EXT2: variants seen among roughly 807,000 people sequenced by gnomAD.
The protein encoded by EXT2 is exostosin-2.
In EXT2, 53 loss-of-function variants were observed where a neutral mutation model predicts 81.6. The observed-to-expected ratio is 0.65, with a 90% CI of 0.52 to 0.82. The LOEUF is 0.82. Ranked by LOEUF, EXT2 falls within the 40% of genes least tolerant of loss-of-function variation. The pLI is 0.00. For synonymous variants in EXT2, 320 were observed against 340.0 expected (o/e 0.94, Z 0.65); for missense variants, 774 against 910.2 (o/e 0.85, Z 1.93).
At chr11:44,231,929 A>G (rs1338206390) in intron 10 of EXT2, among the ~76,000 whole-genome samples, 5 of 152,080 alleles carry the variant, frequency 3.3e-5, no homozygotes, top group Admixed American at 2.0e-4. Flanking sequence ...TTTTTTTAAT[A>G]AGAAATGGGA....
Position 44,103,254 on chromosome 11 carries a change from A to G in EXT2, c.-30-4429A>G, listed in dbSNP as rs936820842. Among the ~76,000 whole-genome samples the G allele has an allele frequency of 2.0e-5, 3 of 151,866 alleles. 1 individual carries two copies. Among genetic ancestry groups the G allele is most frequent in the Admixed American group, 2.0e-4 (3 of 15,258 alleles). On this transcript the variant is annotated intron_variant, in intron 1 of 13. Coordinates refer to ENST00000533608, the MANE Select transcript of EXT2 (RefSeq NM_207122.2). ...TATCTAGGTAGCATTTTCTTTATAT[A>G]TATATATGTTCTGTTCTGAGTTGAG... is the stretch of plus-strand genomic sequence containing the variant.
intron 12 of EXT2, among the ~76,000 whole-genome samples, chr11:44,235,517 A>G (rs1440352001): frequency 6.6e-6 from 1 of 151,858 alleles, no homozygotes; most frequent in Non-Finnish European, 1.5e-5. Flanking sequence ...AAGTGCTAAG[A>G]TTACAGGTGT....
intron 1 of EXT2, among the ~76,000 whole-genome samples, chr11:44,103,398 C>T (rs986980522): frequency 4.6e-5 from 7 of 152,096 alleles, no homozygotes; most frequent in Admixed American, 3.3e-4. Flanking sequence ...GTCATGTAGC[C>T]TCTGGAAAAT....
At chr11:44,104,368 A>G (rs989583957) in intron 1 of EXT2, among the ~76,000 whole-genome samples, 3 of 151,974 alleles carry the variant, frequency 2.0e-5, no homozygotes, top group Non-Finnish European at 4.4e-5. Flanking sequence ...ATATCTGTCT[A>G]TATTGGGTCA....
intron 7 of EXT2, among the ~76,000 whole-genome samples, chr11:44,156,967 G>C (rs72901984): frequency 2.0e-5 from 3 of 152,340 alleles, no homozygotes; most frequent in Non-Finnish European, 4.4e-5. Flanking sequence ...CCAGTACTGT[G>C]AGTCTTATGG....
At chr11:44,112,969 T>A (rs1430061694) in intron 3 of EXT2, among the ~76,000 whole-genome samples, 1 of 152,192 alleles carries the variant, frequency 6.6e-6, no homozygotes, top group Non-Finnish European at 1.5e-5. Context: ...ATGGGGCCCA[T>A]AGAGTCTGCT....
chr11:44,201,124 C>G (rs2135192370), intron 9 of EXT2, among the ~76,000 whole-genome samples: 1 of 152,246 alleles, frequency 6.6e-6, no homozygotes, highest in Admixed American at 6.5e-5. Context: ...TATAGGTTCA[C>G]AGGATGAGAC....
intron 6 of EXT2, among the ~76,000 whole-genome samples, chr11:44,127,810 A>G (rs1201011457): frequency 6.6e-6 from 1 of 152,172 alleles, no homozygotes; most frequent in Admixed American, 6.6e-5. Flanking sequence ...AGTCTATTGA[A>G]TTTGCATAAT....
Position 44,244,330 on chromosome 11 carries a change from G to T in EXT2, c.*43G>T. 1 of 1,611,650 alleles carries T rather than the reference G, an allele frequency of 6.2e-7. No homozygotes were observed. The highest frequency in any genetic ancestry group is 8.5e-7 in the Non-Finnish European group (1 of 1,177,896). ...GGTCTGAATGTGAGGCTGGGACAGA[G>T]GGAGAGAACAAGGCCTCCCAGCACT... On this transcript the variant is annotated 3_prime_UTR_variant, in exon 14 of 14. Coordinates refer to ENST00000533608, the MANE Select transcript of EXT2 (RefSeq NM_207122.2).
In EXT2 at chr11:44,098,238, T is replaced by TA; in HGVS notation, c.-31+2387dup. Among the ~76,000 whole-genome samples the TA allele has an allele frequency of 1.3e-5, 2 of 152,358 alleles. 1 individual carries two copies. The highest frequency in any genetic ancestry group is 6.8e-3 in the Middle Eastern group (2 of 294). Reference sequence around the variant, plus strand: ...GTTTCCTCGGATGATGGTTTGGAGATACTCCATCTCTCTGTGCTTTGGCAT... The same window carrying TA: ...GTTTCCTCGGATGATGGTTTGGAGATAACTCCATCTCTCTGTGCTTTGGCAT... On this transcript the variant is annotated intron_variant, in intron 1 of 13. Coordinates refer to ENST00000533608, the MANE Select transcript of EXT2 (RefSeq NM_207122.2).
intron 5 of EXT2, among the ~76,000 whole-genome samples, chr11:44,126,379 T>G (rs1417689310): frequency 2.0e-5 from 3 of 152,208 alleles, no homozygotes; most frequent in African/African-American, 7.2e-5. Flanking sequence ...TTAGGGGGTC[T>G]TGTAGAAAGC....
chr11:44,186,161 A>T lies in EXT2; in HGVS notation c.1306-11668A>T, dbSNP rs143119742. ...ATCTAAATCTTTTGTACTGTAAAAC[A>T]GCTGAACTGTTATTTTTAACATATC... On this transcript the variant is annotated intron_variant, in intron 8 of 13. Coordinates refer to ENST00000533608, the MANE Select transcript of EXT2 (RefSeq NM_207122.2). Among the ~76,000 whole-genome samples, 504 of 152,374 alleles carry T rather than the reference A, an allele frequency of 3.3e-3. 1 individual carries two copies. The highest frequency in any genetic ancestry group is 5.5e-3 in the Non-Finnish European group (375 of 68,040).
At chr11:44,235,549 A>G (rs777379094) in intron 12 of EXT2, among the ~76,000 whole-genome samples, 1 of 151,954 alleles carries the variant, frequency 6.6e-6, no homozygotes, top group Non-Finnish European at 1.5e-5. Context: ...CCTGGCCCCA[A>G]ATTTGCTTTT....
intron 10 of EXT2, among the ~76,000 whole-genome samples, chr11:44,223,930 A>G (rs7104638): frequency 1.3e-5 from 2 of 152,062 alleles, no homozygotes; most frequent in Non-Finnish European, 2.9e-5. Flanking sequence ...GGATTACATG[A>G]GTGAGCCACT....
chr11:44,158,387 T>G (rs1954883801), intron 7 of EXT2, among the ~76,000 whole-genome samples: 1 of 152,206 alleles, frequency 6.6e-6, no homozygotes, highest in Non-Finnish European at 1.5e-5. Context: ...TGGAACAAAC[T>G]GTTATTTTTT....
At chr11:44,119,165 T>TACAC (rs1565201281) in intron 4 of EXT2, among the ~76,000 whole-genome samples, 4 of 48,046 alleles carry the variant, frequency 8.3e-5, no homozygotes, top group African/African-American at 2.5e-4. Flanking sequence ...TATATATATA[T>TACAC]ATATACACAT....
chr11:44,205,640 A>G (rs9988876), intron 9 of EXT2, among the ~76,000 whole-genome samples: 6,209 of 152,274 alleles, frequency 0.041, 443 homozygotes, highest in African/African-American at 0.14. Flanking sequence ...TTATATTACA[A>G]CTATGCAGAA....
intron 10 of EXT2, among the ~76,000 whole-genome samples, chr11:44,218,002 C>T (rs912712515): frequency 3.9e-5 from 6 of 152,144 alleles, no homozygotes; most frequent in Admixed American, 6.5e-5. Context: ...TGTGAGAATA[C>T]GAGTTCACCA....
At chr11:44,215,099 T>C (rs1200403571) in intron 10 of EXT2, among the ~76,000 whole-genome samples, 1 of 152,216 alleles carries the variant, frequency 6.6e-6, no homozygotes, top group Non-Finnish European at 1.5e-5. Flanking sequence ...GTTGTGCTTT[T>C]TTTGTATTTA....
Sources: allele counts gnomAD v4.1 joint callset (sites outside exome capture counted in the v4.1 genomes callset), GRCh38; gene constraint gnomAD v4.1.1; transcripts MANE v1.5; gene names NCBI Gene and HGNC (gene_info 2026-07-23, HGNC 2026-07-21).